Variants in INTS10 observed in about 807,000 individuals in gnomAD.
INTS10 encodes chromosome 8 open reading frame 35.
A neutral mutation model predicts 94.4 loss-of-function variants in INTS10; 44 were observed. The observed-to-expected ratio is 0.47, with a 90% CI of 0.37 to 0.60. The LOEUF is 0.60. INTS10 is among the 20% of genes least tolerant of loss of function. The pLI, the probability that INTS10 is intolerant of heterozygous loss-of-function variation, is 0.00. For missense variants in INTS10, 797 were observed against 868.7 expected (o/e 0.92, Z 1.04); for synonymous variants, 341 against 320.7 (o/e 1.06, Z -0.68).
intron 1 of INTS10, 110 bp from the exon 2 acceptor site, chr8:19,818,165 C>A (rs1477572412): frequency 1.9e-6 from 2 of 1,032,904 alleles, no homozygotes; most frequent in South Asian, 1.3e-5. Flanking sequence ...CCAGGCGGAG[C>A]TTCACTCTCA....
intron 7 of INTS10, 44 bp from the exon 8 acceptor site, chr8:19,824,759 A>T (rs2066659703): frequency 7.0e-7 from 1 of 1,427,080 alleles, no homozygotes; most frequent in Admixed American, 2.1e-5. Flanking sequence ...CTTGCTGACC[A>T]GCCCAGAGTA....
intron 13 of INTS10, chr8:19,841,960 G>C (rs948186778): frequency 7.7e-6 from 3 of 389,268 alleles, no homozygotes; most frequent in East Asian, 7.6e-5. Flanking sequence ...CATTATGTAA[G>C]TATGTGTGTA....
rs1240630943 is a variant in INTS10, at chr8:19,849,265, C to T, written c.1977-2384C>T. The T allele has an allele frequency of 2.4e-6, 3 of 1,224,640 alleles. No individual in the cohort carries two copies. Among genetic ancestry groups the T allele is most frequent in the Non-Finnish European group, 3.2e-6 (3 of 930,574 alleles). The allele number at this position is 1,224,640 out of a possible 1,614,324, so 75.9% of individuals were successfully genotyped here. On this transcript the variant is annotated intron_variant, in intron 16 of 16. Coordinates refer to ENST00000397977, the MANE Select transcript of INTS10 (RefSeq NM_018142.4). The surrounding 1 kb of genome is among the most constrained non-coding windows in gnomAD (Gnocchi z 4.6). ...GTACCAAGTGGAATCAACGCCCGCTCATAGTGTGCTGTTTGTCAACATGTT... is the reference window on the plus strand; with the variant it reads ...GTACCAAGTGGAATCAACGCCCGCTTATAGTGTGCTGTTTGTCAACATGTT...
In INTS10 at chr8:19,823,929, A is replaced by C; in HGVS notation, c.721A>C (p.Ile241Leu). The part of the protein sequence containing the change: ...SPSKRSSQKY[I>L]IEGLTEKSSQ... ...TAGCAAACGTAGCTCTCAGAAGTAC[A>C]TAATAGAAGGGCTGACGGAAAAATC... is the stretch of plus-strand genomic sequence containing the variant. Residue 241 changes from isoleucine to leucine, a missense_variant, in exon 7 of 17, where the codon ATA becomes CTA. Coordinates refer to ENST00000397977, the MANE Select transcript of INTS10 (RefSeq NM_018142.4). The C allele has an allele frequency of 6.2e-7, 1 of 1,613,834 alleles. No homozygotes were observed. Among genetic ancestry groups the C allele is most frequent in the South Asian group, 1.1e-5 (1 of 91,010 alleles).
chr8:19,844,550 C>G (rs1057093551), intron 15 of INTS10, among the ~76,000 whole-genome samples: 2 of 152,154 alleles, frequency 1.3e-5, no homozygotes, highest in African/African-American at 4.8e-5. Context: ...CCGGTTTAGT[C>G]AAGGAATATA....
intron 16 of INTS10, among the ~76,000 whole-genome samples, chr8:19,848,327 A>G (rs927144955): frequency 1.2e-4 from 18 of 152,188 alleles, no homozygotes; most frequent in Non-Finnish European, 1.9e-4. Flanking sequence ...AAGCAGGTAC[A>G]GTACCAACAC....
At chr8:19,819,697 G>C in intron 3 of INTS10, 21 bp downstream of exon 3, 2 of 1,548,066 alleles carry the variant, frequency 1.3e-6, no homozygotes, top group Non-Finnish European at 1.8e-6. Context: ...TGGTGTATAA[G>C]TTACCATTTC....
In INTS10 at chr8:19,818,261, G is replaced by A. The variant is rs376761479; in HGVS notation, c.130-14G>A. On this transcript the variant is annotated splice_polypyrimidine_tract_variant and intron_variant, in intron 1 of 16. Transcript: ENST00000397977. ...GCAGGGGTGAGTGACCAGGGTGCCTGATGTGTGTTGCAGTATGAGATGTAC... is the reference window on the plus strand; with the variant it reads ...GCAGGGGTGAGTGACCAGGGTGCCTAATGTGTGTTGCAGTATGAGATGTAC... 1.4e-4 allele frequency: 222 copies of A among 1,613,350 alleles called. No individual in the cohort carries two copies. The African/African-American group carries it at 2.7e-3, about 19-fold the overall frequency.
At position 19,846,735 on chromosome 8, in the gene INTS10, A is replaced by G. The variant is rs1476723199; in HGVS notation, c.1976+938A>G. Among the ~76,000 whole-genome samples, 1 of 152,232 alleles carries G rather than the reference A, an allele frequency of 6.6e-6. No homozygotes were observed. The highest frequency in any genetic ancestry group is 1.5e-5 in the Non-Finnish European group (1 of 68,040). On this transcript the variant is annotated intron_variant, in intron 16 of 16. Transcript: ENST00000397977. This position sits in a 1 kb window ranked among gnomAD's most constrained non-coding sequence, Gnocchi z 4.2. ...GAAAATGCCAAATTAGTGACCATTT[A>G]TGATTTTTAAATAGCTCATAAATCT...
chr8:19,837,253 C>T (rs968235419), intron 13 of INTS10, 93 bp downstream of exon 13: 28 of 810,246 alleles, frequency 3.5e-5, no homozygotes, highest in African/African-American at 1.2e-4. Flanking sequence ...ACTCGGAAGT[C>T]GAGGCGGGAG....
intron 5 of INTS10, 21 bp from the exon 6 acceptor site, chr8:19,823,280 C>A (rs766946481): frequency 2.5e-6 from 4 of 1,589,116 alleles, no homozygotes; most frequent in Non-Finnish European, 2.6e-6. Context: ...TAATTTATTT[C>A]TTCTTTTTCT....
In INTS10 at chr8:19,823,421, A is replaced by G; in HGVS notation, c.644A>G (p.Gln215Arg). ...ATCAATTATGTCACTAGGTCTACTC[A>G]AATAGAAAATCAGCATCAAGGTAAG... is the stretch of plus-strand genomic sequence containing the variant. The part of the protein sequence containing the change: ...FYINYVTRST[Q>R]IENQHQGAQD... Residue 215 changes from glutamine to arginine, a missense_variant, in exon 6 of 17, where the codon CAA (glutamine) becomes CGA (arginine). Transcript: ENST00000397977. 1 of 1,604,304 alleles carries G rather than the reference A, an allele frequency of 6.2e-7. No homozygotes were observed. The highest frequency in any genetic ancestry group is 8.5e-7 in the Non-Finnish European group (1 of 1,171,598).
intron 13 of INTS10, among the ~76,000 whole-genome samples, chr8:19,842,144 T>C (rs1438367729): frequency 4.6e-5 from 7 of 152,210 alleles, no homozygotes; most frequent in African/African-American, 1.2e-4. Flanking sequence ...ATATTTATCA[T>C]TGTAATAGTG....
Position 19,844,245 on chromosome 8 carries a change from T to G in INTS10, c.1882+7T>G. On this transcript the variant is annotated splice_region_variant and intron_variant, in intron 15 of 16. Coordinates refer to ENST00000397977, the MANE Select transcript of INTS10 (RefSeq NM_018142.4). Reference sequence around the variant, plus strand: ...TTTTTCAATTACGTTACAAGTATCCTTTTTTCTTGTTTAAGCATAACACAT... The same window carrying G: ...TTTTTCAATTACGTTACAAGTATCCGTTTTTCTTGTTTAAGCATAACACAT... 6.3e-7 allele frequency: 1 copy of G among 1,577,606 alleles called. No individual in the cohort carries two copies.
At chr8:19,825,252 C>T (rs1375741305) in intron 8 of INTS10, among the ~76,000 whole-genome samples, 2 of 152,164 alleles carry the variant, frequency 1.3e-5, no homozygotes, top group Admixed American at 6.5e-5. Flanking sequence ...GCAGGCTGGG[C>T]GCTGTGGCTC....
At position 19,852,040 on chromosome 8, in the gene INTS10, G is replaced by C; in HGVS notation, c.*235G>C. The C allele has an allele frequency of 3.0e-6, 1 of 335,126 alleles. No individual in the cohort carries two copies. The highest frequency in any genetic ancestry group is 5.4e-6 in the Non-Finnish European group (1 of 185,218). 20.8% of individuals were successfully genotyped at this position (335,126 alleles called of 1,614,324 possible). A position where few individuals can be genotyped will look rare whatever the true frequency, so the allele number is the denominator to read the frequency against. The stretch of plus-strand genomic sequence containing the variant: ...TAAAACAAAAGTACCAATCTGTTTT[G>C]TAAATAAAAATCATCCTAAAATTTG... On this transcript the variant is annotated 3_prime_UTR_variant, in exon 17 of 17. Transcript: ENST00000397977.
In INTS10 at chr8:19,819,817, A is replaced by T. The variant is rs1694442615; in HGVS notation, c.301+141A>T. 8 of 610,172 alleles carry T rather than the reference A, an allele frequency of 1.3e-5. No homozygotes were observed. The South Asian group carries it at 1.7e-4, about 13-fold the overall frequency. The allele number at this position is 610,172 out of a possible 1,614,324, so 37.8% of individuals were successfully genotyped here. A position where few individuals can be genotyped will look rare whatever the true frequency, so the allele number is the denominator to read the frequency against. On this transcript the variant is annotated intron_variant, in intron 3 of 16. Coordinates refer to ENST00000397977, the MANE Select transcript of INTS10 (RefSeq NM_018142.4). ...GGCAACCAAAGTCTATAATAATGTC[A>T]CTCGGTTCCTTGACTTGCTTAGAAC...
intron 13 of INTS10, 101 bp from the exon 14 acceptor site, chr8:19,842,744 CTCT>C (rs2068230044): frequency 1.5e-6 from 1 of 656,442 alleles, no homozygotes. Context: ...GTTGCATATT[CTCT>C]TTTTTGTTGT....
At position 19,827,713 on chromosome 8, in the gene INTS10, C is replaced by T. The variant is rs10099152; in HGVS notation, c.1140+1154C>T. 4.5e-3 allele frequency among the ~76,000 whole-genome samples: 684 copies of T among 152,226 alleles called. 5 individuals are homozygous for T. The highest frequency in any genetic ancestry group is 0.016 in the African/African-American group (651 of 41,534). On this transcript the variant is annotated intron_variant, in intron 9 of 16. Transcript: ENST00000397977. ...AAGCACTCATCTAGCAAGCCCTGTT[C>T]TCATAACCTGGCCTTCTACCCAATG...
Sources: gnomAD v4.1 joint callset for allele counts (sites outside exome capture counted in the v4.1 genomes callset) on GRCh38, gnomAD v4.1.1 for gene constraint, Gnocchi (gnomAD v3.1) non-coding constraint, MANE v1.5 for transcripts, NCBI Gene and HGNC (gene_info 2026-07-23, HGNC 2026-07-21) for gene names.